Variants in SSBP3 observed in about 807,000 individuals in gnomAD.
SSBP3 encodes the protein single-stranded DNA-binding protein 3.
SSBP3 carries 5 observed loss-of-function variants against 69.6 expected under a neutral mutation model. The observed-to-expected ratio is 0.07, with a 90% confidence interval of 0.04 to 0.15. The LOEUF (loss-of-function observed/expected upper bound fraction) is 0.15. Ranked by LOEUF, SSBP3 falls within the 10% of genes least tolerant of loss-of-function variation. The pLI, the probability that SSBP3 is intolerant of heterozygous loss-of-function variation, is 1.00. For missense variants in SSBP3, 312 were observed against 534.0 expected, an observed-to-expected ratio of 0.58 and a Z score of 4.10; for synonymous variants, 196 against 193.4, an observed-to-expected ratio of 1.01 and a Z score of -0.11.
intron 4 of SSBP3, among the ~76,000 whole-genome samples, chr1:54,292,946 C>CT (rs1290605248): frequency 1.3e-5 from 2 of 152,066 alleles, no homozygotes; most frequent in African/African-American, 4.8e-5. Context: ...GCCTGGCATG[C>CT]TTTCAGAGGA....
intron 3 of SSBP3, among the ~76,000 whole-genome samples, chr1:54,402,298 T>C (rs1449463424): frequency 6.6e-6 from 1 of 152,204 alleles, no homozygotes; most frequent in Non-Finnish European, 1.5e-5. Context: ...TACTCATGGA[T>C]GCCCTAGGAG....
chr1:54,384,054 A>T (rs1480192319), intron 4 of SSBP3, among the ~76,000 whole-genome samples: 1 of 147,132 alleles, frequency 6.8e-6, no homozygotes, highest in African/African-American at 2.5e-5. Flanking sequence ...TGCAGTGAGC[A>T]GAGATCGTGC....
intron 5 of SSBP3, among the ~76,000 whole-genome samples, chr1:54,274,431 T>C (rs1226420269): frequency 8.0e-6 from 1 of 125,290 alleles, no homozygotes; most frequent in Non-Finnish European, 1.6e-5. Flanking sequence ...CTCTCAGGCC[T>C]GAGAGCACTG....
intron 4 of SSBP3, among the ~76,000 whole-genome samples, chr1:54,360,713 G>A (rs1466016369): frequency 1.3e-5 from 2 of 152,138 alleles, no homozygotes; most frequent in Non-Finnish European, 2.9e-5. Context: ...GGAAGTTACT[G>A]AACCTCCTCG....
intron 4 of SSBP3, among the ~76,000 whole-genome samples, chr1:54,393,901 A>C (rs894468333): frequency 2.0e-5 from 3 of 152,096 alleles, no homozygotes; most frequent in African/African-American, 7.2e-5. Context: ...CTGGGACTAC[A>C]GGCGCCCACC....
intron 4 of SSBP3, among the ~76,000 whole-genome samples, chr1:54,322,429 A>ATCAGAACTTTG (rs1216659229): frequency 7.9e-5 from 12 of 152,266 alleles, no homozygotes; most frequent in Middle Eastern, 6.8e-3. Context: ...CCCACCACAC[A>ATCAGAACTTTG]TCAGAACTTT....
intron 14 of SSBP3, among the ~76,000 whole-genome samples, 162 bp from the exon 15 acceptor site, chr1:54,228,988 G>A (rs1040236286): frequency 6.6e-5 from 10 of 152,212 alleles, no homozygotes; most frequent in African/African-American, 2.4e-4. Context: ...GCTGGGCCAG[G>A]GTCCTCACCT....
upstream of SSBP3, among the ~76,000 whole-genome samples, chr1:54,410,351 A>G (rs1187175842): frequency 6.6e-6 from 1 of 152,202 alleles, no homozygotes; most frequent in Non-Finnish European, 1.5e-5. Flanking sequence ...GTTAAAGGAA[A>G]AGGGACTTTA....
chr1:54,376,192 G>A (rs1237926792), intron 4 of SSBP3, among the ~76,000 whole-genome samples: 1 of 122,708 alleles, frequency 8.1e-6, no homozygotes. Context: ...GCATGCGTGG[G>A]TGTGTGTGTG....
chr1:54,305,767 T>C (rs551388029), intron 4 of SSBP3, among the ~76,000 whole-genome samples: 20 of 151,454 alleles, frequency 1.3e-4, no homozygotes, highest in East Asian at 1.9e-4. Flanking sequence ...TGAGTTTGGA[T>C]TTATTATAAA....
At chr1:54,396,218 A>AAC (rs1345429603) in intron 4 of SSBP3, among the ~76,000 whole-genome samples, 1 of 143,256 alleles carries the variant, frequency 7.0e-6, no homozygotes, top group African/African-American at 2.6e-5. Context: ...AAAAAAAAAA[A>AAC]ACAACCCCAT....
chr1:54,382,229 A>G (rs2100728990), intron 4 of SSBP3, among the ~76,000 whole-genome samples: 1 of 152,288 alleles, frequency 6.6e-6, no homozygotes, highest in South Asian at 2.1e-4. Context: ...GATGTGCAGT[A>G]AGCATTTTAT....
chr1:54,341,687 C>T (rs1646610269), intron 4 of SSBP3, among the ~76,000 whole-genome samples: 1 of 151,434 alleles, frequency 6.6e-6, no homozygotes, highest in Non-Finnish European at 1.5e-5. Context: ...AAACATGTAC[C>T]CTAAAACTTA....
At chr1:54,260,861 C>A (rs1412086340) in intron 5 of SSBP3, among the ~76,000 whole-genome samples, 1 of 152,222 alleles carries the variant, frequency 6.6e-6, no homozygotes, top group African/African-American at 2.4e-5. Flanking sequence ...CCCAGGCCTG[C>A]CAGTCACTCA....
In SSBP3 at chr1:54,240,113, CGCGCGCGCAACACATGCCCACGTAT is replaced by C. The variant is rs1644599759; in HGVS notation, c.856+767_856+791del. Among the ~76,000 whole-genome samples the C allele has an allele frequency of 1.3e-3, 5 of 3,728 alleles. No individual in the cohort carries two copies. In the Admixed American group the frequency reaches 0.017, roughly 13 times the overall value. The allele number at this position is 3,728 out of a possible 152,430, so 2.4% of individuals were successfully genotyped here. On this transcript the variant is annotated intron_variant, in intron 13 of 17. Coordinates refer to ENST00000610401, the Ensembl canonical transcript of SSBP3. ...GCGCGCGCGCGCGTGTGCGTGCGCG[CGCGCGCGCAACACATGCCCACGTAT>C]GTGCACGCATGCCCTCTTTTGTTTA...
Position 54,403,795 on chromosome 1 carries a change from C to G in SSBP3, c.191+781G>C, listed in dbSNP as rs566079423. Among the ~76,000 whole-genome samples, 206 of 152,220 alleles carry G rather than the reference C, an allele frequency of 1.4e-3. 2 individuals carry two copies. The highest frequency in any genetic ancestry group is 2.1e-3 in the Non-Finnish European group (146 of 68,012). On this transcript the variant is annotated intron_variant, in intron 3 of 17. Transcript: ENST00000610401. Reference sequence around the variant, plus strand: ...CTCCACCAGTCAGTCCCACAAAACACCCGGGTCATATACCTAGGGCAACTG... The same window carrying G: ...CTCCACCAGTCAGTCCCACAAAACAGCCGGGTCATATACCTAGGGCAACTG...
intron 7 of SSBP3, among the ~76,000 whole-genome samples, chr1:54,253,988 G>C (rs1252208017): frequency 6.6e-6 from 1 of 152,218 alleles, no homozygotes; most frequent in African/African-American, 2.4e-5. Flanking sequence ...CCCTCACTGA[G>C]GTGACCCTGA....
At chr1:54,404,360 G>C (rs559453158) in intron 3 of SSBP3, among the ~76,000 whole-genome samples, 1 of 152,290 alleles carries the variant, frequency 6.6e-6, no homozygotes, top group East Asian at 1.9e-4. Flanking sequence ...CACCACAGAT[G>C]GTTTTGTCGT....
At chr1:54,380,227 T>C (rs963389296) in intron 4 of SSBP3, among the ~76,000 whole-genome samples, 1 of 152,158 alleles carries the variant, frequency 6.6e-6, no homozygotes, top group Non-Finnish European at 1.5e-5. Context: ...TCCAGGGGGA[T>C]TGACTCGCTC....
Sources: allele counts gnomAD v4.1 joint callset (sites outside exome capture counted in the v4.1 genomes callset), GRCh38; gene constraint gnomAD v4.1.1; transcripts MANE v1.5; gene names NCBI Gene and HGNC (gene_info 2026-07-23, HGNC 2026-07-21).